Variants in CCNJL observed in about 807,000 individuals in gnomAD.
CCNJL encodes cyclin-J-like protein.
In CCNJL, 33 loss-of-function variants were observed where a neutral mutation model predicts 33.4. The ratio of observed to expected loss-of-function variants is 0.99; its 90% CI spans 0.75 to 1.32. The LOEUF (loss-of-function observed/expected upper bound fraction) is 1.32, where lower values mean the gene tolerates loss of function less well. Ranked by LOEUF, CCNJL falls within the 40% of genes most tolerant of loss-of-function variation. The probability of loss-of-function intolerance (pLI) is 0.00; values close to 1 mark genes in which losing one functional copy is unlikely to be tolerated. For missense variants in CCNJL, 512 were observed against 499.7 expected, an observed-to-expected ratio of 1.02 and a Z score of -0.23; for synonymous variants, 227 against 220.9, an observed-to-expected ratio of 1.03 and a Z score of -0.24.
At chr5:160,262,889 G>A (rs995918770) in intron 3 of CCNJL, among the ~76,000 whole-genome samples, 2 of 152,202 alleles carry the variant, frequency 1.3e-5, no homozygotes, top group East Asian at 1.9e-4. Flanking sequence ...ACCAAGCACC[G>A]TTACTCAGCT....
rs750555768 is a variant in CCNJL at position 160,259,615 on chromosome 5, G to T, written c.437C>A (p.Thr146Lys). The change falls in exon 4 of 6, where the codon ACG becomes AAG. Residue 146 changes from threonine (T) to lysine (K), a missense_variant. Transcript: ENST00000257536. ...GTAGTAGTCCAGGAAGTGGGCAGGCGTGGGCAGGCAGAGGTTCCAGCTGAA... is the reference window on the plus strand; with the variant it reads ...GTAGTAGTCCAGGAAGTGGGCAGGCTTGGGCAGGCAGAGGTTCCAGCTGAA... ...EAFSWNLCLP[T>K]PAHFLDYYLL... is the part of the protein sequence containing the mutation. The T allele has an allele frequency of 6.2e-7, 1 of 1,614,214 alleles. No homozygotes were observed. The highest frequency in any genetic ancestry group is 8.5e-7 in the Non-Finnish European group (1 of 1,180,032).
chr5:160,281,968 G>A (rs1359209545), intron 2 of CCNJL, among the ~76,000 whole-genome samples: 1 of 152,124 alleles, frequency 6.6e-6, no homozygotes. Flanking sequence ...GACACTACTT[G>A]TTTAGGAAAT....
intron 3 of CCNJL, among the ~76,000 whole-genome samples, chr5:160,260,120 G>A (rs1362563192): frequency 2.0e-5 from 3 of 152,224 alleles, no homozygotes; most frequent in Non-Finnish European, 2.9e-5. Flanking sequence ...GCAGCCGATA[G>A]CGGTCAGCAG....
rs376941319 is a variant in CCNJL at position 160,291,275 on chromosome 5, A to G, written c.67-10537T>C. ...ACTGTGCACCTAGCAGTCATTTTTC[A>G]AAGGCAATGTTTCCTAATGTGTGTT... On this transcript the variant is annotated intron_variant, in intron 2 of 5. Transcript: ENST00000257536. 7.9e-5 allele frequency among the ~76,000 whole-genome samples: 12 copies of G among 152,242 alleles called. No individual in the cohort carries two copies. The South Asian group carries it at 1.2e-3, about 16-fold the overall frequency.
intron 2 of CCNJL, among the ~76,000 whole-genome samples, chr5:160,283,647 T>A (rs1211409324): frequency 6.6e-6 from 1 of 152,174 alleles, no homozygotes; most frequent in Non-Finnish European, 1.5e-5. Context: ...CACTCTTAGT[T>A]ATTTTGAAAT....
chr5:160,321,012 CTCTTTCTTTCTTTCTT>C (rs59309263), intron 1 of CCNJL, among the ~76,000 whole-genome samples: 5,356 of 71,064 alleles, frequency 0.075, 208 homozygotes, highest in Admixed American at 0.09. Flanking sequence ...CTCTCTCTCT[CTCTTTCTTTCTTTCTT>C]TCTTTCTTTC....
At chr5:160,328,490 C>T (rs142051415) in intron 1 of CCNJL, among the ~76,000 whole-genome samples, 206 of 152,014 alleles carry the variant, frequency 1.4e-3, no homozygotes, top group African/African-American at 4.8e-3. Context: ...GGCATGGTGG[C>T]TCAAGCCTGT....
At chr5:160,312,058 C>G (rs949921437) in intron 1 of CCNJL, 86 bp from the exon 2 acceptor site, 101 of 813,986 alleles carry the variant, frequency 1.2e-4, no homozygotes, top group Non-Finnish European at 1.9e-4. Flanking sequence ...CCCCTGGCCC[C>G]GGGCCCCGGC....
rs1395150879 is a variant in CCNJL, at chr5:160,327,770, C to T, written n.206+11675G>A. On this transcript the variant is annotated intron_variant and non_coding_transcript_variant, in intron 1 of 7. Transcript: ENST00000377503. ...CATTGACTTTGCACTTTTCCTGTCTCACCTTCCCTGCTTTCTGGCAACATT... is the reference window on the plus strand; with the variant it reads ...CATTGACTTTGCACTTTTCCTGTCTTACCTTCCCTGCTTTCTGGCAACATT... 2.6e-5 allele frequency among the ~76,000 whole-genome samples: 4 copies of T among 152,210 alleles called. No homozygotes were observed. The East Asian group carries it at 5.8e-4, about 22-fold the overall frequency.
upstream of CCNJL, among the ~76,000 whole-genome samples, chr5:160,316,246 C>T (rs1375758173): frequency 6.6e-6 from 1 of 152,130 alleles, no homozygotes; most frequent in Non-Finnish European, 1.5e-5. Context: ...CCATCCACCC[C>T]CAACCAAGAC....
At chr5:160,288,829 T>TAAA (rs33916362) in intron 2 of CCNJL, among the ~76,000 whole-genome samples, 8 of 89,504 alleles carry the variant, frequency 8.9e-5, no homozygotes, top group Admixed American at 1.4e-4. Flanking sequence ...AGACTCTGTC[T>TAAA]AAAAAAAAAA....
At chr5:160,282,011 A>G (rs1658678739) in intron 2 of CCNJL, among the ~76,000 whole-genome samples, 1 of 152,214 alleles carries the variant, frequency 6.6e-6, no homozygotes, top group African/African-American at 2.4e-5. Flanking sequence ...GAAGGAAACT[A>G]AAAAGAAGTA....
chr5:160,253,531 C>T lies in CCNJL; in HGVS notation c.1011G>A (p.Leu337=), dbSNP rs1760904900. 1.2e-6 allele frequency: 2 copies of T among 1,614,088 alleles called. No individual in the cohort carries two copies. The highest frequency in any genetic ancestry group is 1.7e-6 in the Non-Finnish European group (2 of 1,180,050). The change falls in exon 6 of 6, where the codon CTG becomes CTA. Residue 337 remains leucine, a synonymous_variant. Coordinates refer to ENST00000257536, the MANE Select transcript of CCNJL (RefSeq NM_001308173.3). ...GCACGGGACACATATCCAAGGGCTG[C>T]AGCGGTTGGTACGGGGTGTGGAGGG... ...GSSLHTPYQP[L]QPLDMCPVPV...
intron 1 of CCNJL, among the ~76,000 whole-genome samples, chr5:160,338,167 C>T (rs75670971): frequency 0.027 from 4,119 of 152,272 alleles, 177 homozygotes; most frequent in African/African-American, 0.092. Flanking sequence ...GAGGCCAAGG[C>T]GGGTGGGTCA....
upstream of CCNJL, among the ~76,000 whole-genome samples, chr5:160,314,143 T>G (rs1233229403): frequency 6.6e-6 from 1 of 152,176 alleles, no homozygotes; most frequent in Non-Finnish European, 1.5e-5. Context: ...CACTCCAGCT[T>G]GGGCAACAAG....
intron 1 of CCNJL, among the ~76,000 whole-genome samples, chr5:160,318,802 G>A (rs1368694654): frequency 6.6e-6 from 1 of 152,194 alleles, no homozygotes; most frequent in Non-Finnish European, 1.5e-5. Context: ...CTACAAAATA[G>A]AATTTGTGTA....
rs1432300229 is a variant in CCNJL, at chr5:160,251,914, C to T, written c.*1464G>A. On this transcript the variant is annotated 3_prime_UTR_variant, in exon 6 of 6. Coordinates refer to ENST00000257536, the MANE Select transcript of CCNJL (RefSeq NM_001308173.3). ...CGTCTCTTTTCTTACTGTCTCCATG[C>T]TGAGATTTTCAGCTGCTCTGGAAAG... is the stretch of plus-strand genomic sequence containing the variant. 2.6e-5 allele frequency: 4 copies of T among 152,238 alleles called. No homozygotes were observed. Among genetic ancestry groups the T allele is most frequent in the Non-Finnish European group, 4.4e-5 (3 of 68,054 alleles). 9.4% of individuals were successfully genotyped at this position (152,238 alleles called of 1,614,324 possible). A position where few individuals can be genotyped will look rare whatever the true frequency, so the allele number is the denominator to read the frequency against.
chr5:160,304,332 C>T (rs1333306458), intron 2 of CCNJL, among the ~76,000 whole-genome samples: 1 of 152,192 alleles, frequency 6.6e-6, no homozygotes, highest in Non-Finnish European at 1.5e-5. Flanking sequence ...CCCATCTTGT[C>T]CCCCAACCTC....
intron 2 of CCNJL, among the ~76,000 whole-genome samples, chr5:160,284,512 C>T (rs1300281473): frequency 6.6e-6 from 1 of 152,214 alleles, no homozygotes; most frequent in Non-Finnish European, 1.5e-5. Context: ...AAGACAGTTG[C>T]AGAATTCCAA....
Sources: gnomAD v4.1 joint callset for allele counts (sites outside exome capture counted in the v4.1 genomes callset) on GRCh38, gnomAD v4.1.1 for gene constraint, MANE v1.5 for transcripts, NCBI Gene and HGNC (gene_info 2026-07-23, HGNC 2026-07-21) for gene names.